Variants in XPO5 observed in about 807,000 individuals in gnomAD.
XPO5 encodes exportin-5.
In XPO5, 46 loss-of-function variants were observed where a neutral mutation model predicts 160.6. That is an observed-to-expected ratio of 0.29 (90% CI 0.23 to 0.37). XPO5 has a LOEUF of 0.37. Among genes scored for constraint, XPO5 ranks in the 10% least tolerant of loss-of-function variants. The probability of loss-of-function intolerance (pLI) is 1.00; values close to 1 mark genes in which losing one functional copy is unlikely to be tolerated. For synonymous variants in XPO5, 537 were observed against 519.3 expected, an observed-to-expected ratio of 1.03 and a Z score of -0.46; for missense variants, 1,090 against 1,463.9, an observed-to-expected ratio of 0.74 and a Z score of 4.17.
chr6:43,524,630 G>A lies in XPO5; in HGVS notation c.3318C>T (p.Pro1106=), dbSNP rs377272106. 5 of 1,613,698 alleles carry A rather than the reference G, an allele frequency of 3.1e-6. No homozygotes were observed. Among genetic ancestry groups the A allele is most frequent in the African/African-American group, 1.3e-5 (1 of 74,902 alleles). Residue 1106 remains proline, a synonymous_variant, in exon 31 of 32, where the codon CCC becomes CCT. Transcript: ENST00000265351. ...TTACAGCTCTTATCTCCAGGTACCTGGGGCGCTGATATCAGCAGGGATAAA... is the reference window on the plus strand; with the variant it reads ...TTACAGCTCTTATCTCCAGGTACCTAGGGCGCTGATATCAGCAGGGATAAA... The part of the protein sequence containing the change: ...LAFQIYEALR[P]RYLEIRAVME...
chr6:43,570,992 T>C lies in XPO5; in HGVS notation c.303A>G (p.Gly101=). The part of the protein sequence containing the change: ...KNSVMELIAN[G]TLNILEEENH... ...TCTCCTCTTCCAAAATGTTCAATGT[T>C]CCCTGAAAAAGAACAAGAGATATTA... Residue 101 remains glycine (G), a splice_region_variant and synonymous_variant, in exon 4 of 32, where the codon GGA becomes GGG. Transcript: ENST00000265351. 1 of 1,607,752 alleles carries C rather than the reference T, an allele frequency of 6.2e-7. No individual in the cohort carries two copies. Among genetic ancestry groups the C allele is most frequent in the South Asian group, 1.1e-5 (1 of 89,590 alleles).
Position 43,531,995 on chromosome 6 carries a change from T to C in XPO5, c.2444-420A>G, listed in dbSNP as rs147566598. On this transcript the variant is annotated intron_variant, in intron 21 of 31. Coordinates refer to ENST00000265351, the MANE Select transcript of XPO5 (RefSeq NM_020750.3). ...TAGTATTAAAAACTGCCTTAAAATATCTATATTTTTAAGTGTAATCAGAGG... is the reference window on the plus strand; with the variant it reads ...TAGTATTAAAAACTGCCTTAAAATACCTATATTTTTAAGTGTAATCAGAGG... Among the ~76,000 whole-genome samples, 744 of 152,250 alleles carry C rather than the reference T, an allele frequency of 4.9e-3. 5 individuals carry two copies. Among genetic ancestry groups the C allele is most frequent in the African/African-American group, 0.016 (678 of 41,538 alleles).
At chr6:43,548,494 T>C in intron 17 of XPO5, 34 bp from the exon 18 acceptor site, 1 of 1,473,884 alleles carries the variant, frequency 6.8e-7, no homozygotes, top group Non-Finnish European at 9.1e-7. Context: ...CCAGAGGTGG[T>C]AAAGGTCTGA....
At chr6:43,541,402 C>T (rs753818276) in intron 20 of XPO5, among the ~76,000 whole-genome samples, 3 of 152,050 alleles carry the variant, frequency 2.0e-5, no homozygotes, top group Non-Finnish European at 4.4e-5. Context: ...GTACTGTGTA[C>T]CCACAAAACT....
In XPO5 at chr6:43,549,510, A is replaced by C; in HGVS notation, c.1839T>G (p.Arg613=). 1.2e-6 allele frequency: 2 copies of C among 1,612,898 alleles called. No individual in the cohort carries two copies. The highest frequency in any genetic ancestry group is 1.8e-4 in the Middle Eastern group (1 of 5,640). The change falls in exon 17 of 32, where the codon CGT becomes CGG. Residue 613 remains arginine (R), a synonymous_variant. Transcript: ENST00000265351. ...HACSSIIKMC[R]DYPQLVLPNF... is the part of the protein sequence containing the mutation. Reference sequence around the variant, plus strand: ...TTACCAGCACAAGCTGGGGGTAGTCACGACACATCTTGATGATGGAGGAAC... The same window carrying C: ...TTACCAGCACAAGCTGGGGGTAGTCCCGACACATCTTGATGATGGAGGAAC...
intron 10 of XPO5, 63 bp from the exon 11 acceptor site, chr6:43,560,366 T>G: frequency 6.7e-7 from 1 of 1,496,786 alleles, no homozygotes; most frequent in South Asian, 1.3e-5. Flanking sequence ...AGATTATTAC[T>G]TAGCAGTTAT....
intron 17 of XPO5, among the ~76,000 whole-genome samples, chr6:43,548,720 A>C (rs1187183106): frequency 6.7e-6 from 1 of 150,044 alleles, no homozygotes; most frequent in Non-Finnish European, 1.5e-5. Flanking sequence ...AGCTTGTTTT[A>C]TATATATATA....
At chr6:43,547,365 G>A (rs1795012149) in intron 19 of XPO5, 2 of 579,736 alleles carry the variant, frequency 3.4e-6, no homozygotes, top group Admixed American at 2.6e-5. Context: ...TCAGTCTTCA[G>A]AGCTATTTAG....
At position 43,529,141 on chromosome 6, in the gene XPO5, C is replaced by T. The variant is rs1373766382; in HGVS notation, c.2678-216G>A. 1.3e-5 allele frequency: 17 copies of T among 1,277,062 alleles called. No individual in the cohort carries two copies. In the Admixed American group the frequency reaches 1.7e-4, roughly 13 times the overall value. The allele number at this position is 1,277,062 out of a possible 1,614,324, so 79.1% of individuals were successfully genotyped here. On this transcript the variant is annotated intron_variant, in intron 23 of 31. Coordinates refer to ENST00000265351, the MANE Select transcript of XPO5 (RefSeq NM_020750.3). Reference sequence around the variant, plus strand: ...TATACTCTTAGTTTAGCTGCATTTCCGTCAGGCTGCACATTATGGTCACTG... The same window carrying T: ...TATACTCTTAGTTTAGCTGCATTTCTGTCAGGCTGCACATTATGGTCACTG...
intron 20 of XPO5, among the ~76,000 whole-genome samples, chr6:43,538,297 G>A (rs1019954272): frequency 3.3e-5 from 5 of 151,372 alleles, no homozygotes; most frequent in South Asian, 4.2e-4. Flanking sequence ...CTACAGGTGC[G>A]CACCACCACA....
intron 8 of XPO5, 37 bp downstream of exon 8, chr6:43,565,623 G>A (rs1273252587): frequency 6.8e-7 from 1 of 1,460,150 alleles, no homozygotes; most frequent in South Asian, 1.3e-5. Context: ...AAATGACAAA[G>A]AAATTAGAAA....
At chr6:43,549,988 A>C (rs1795151864) in intron 15 of XPO5, 54 bp from the exon 16 acceptor site, 1 of 1,574,064 alleles carries the variant, frequency 6.4e-7, no homozygotes, top group Non-Finnish European at 8.7e-7. Flanking sequence ...TAGAGATGAG[A>C]TCTTGCTATG....
In XPO5 at chr6:43,548,475, G is replaced by GA. The variant is rs1561875911; in HGVS notation, c.1861-16dup. The stretch of plus-strand genomic sequence containing the variant: ...TCAAAATTGGGCTACAGATCAAAAA[G>GA]AAAAAAAGCCAGAGGTGGTAAAGGT... On this transcript the variant is annotated splice_polypyrimidine_tract_variant and intron_variant, in intron 17 of 31. Coordinates refer to ENST00000265351, the MANE Select transcript of XPO5 (RefSeq NM_020750.3). 9 of 1,509,888 alleles carry GA rather than the reference G, an allele frequency of 6.0e-6. No individual in the cohort carries two copies. In the Admixed American group the frequency reaches 8.2e-5, roughly 14 times the overall value. The allele number at this position is 1,509,888 out of a possible 1,614,324, so 93.5% of individuals were successfully genotyped here. A position where few individuals can be genotyped will look rare whatever the true frequency, so the allele number is the denominator to read the frequency against.
Position 43,575,893 on chromosome 6 carries a change from C to CCACT in XPO5, c.-33_-30dup, listed in dbSNP as rs1561891144. The stretch of plus-strand genomic sequence containing the variant: ...TAGCGCCACGCGCCGAGAGCGCACA[C>CCACT]CACTGCAGTCCCGGGACCACGAGGC... On this transcript the variant is annotated 5_prime_UTR_variant, in exon 1 of 32. Coordinates refer to ENST00000265351, the MANE Select transcript of XPO5 (RefSeq NM_020750.3). The CCACT allele has an allele frequency of 1.2e-6, 2 of 1,605,742 alleles. No homozygotes were observed.
chr6:43,560,402 A>G, intron 10 of XPO5, 99 bp from the exon 11 acceptor site: 3 of 1,392,962 alleles, frequency 2.2e-6, no homozygotes. Context: ...ATAGAAATAA[A>G]TCTGTACAAT....
chr6:43,565,050 G>A (rs565088559), intron 8 of XPO5, among the ~76,000 whole-genome samples: 16 of 151,906 alleles, frequency 1.1e-4, no homozygotes, highest in African/African-American at 3.9e-4. Context: ...AGCCTCCTGA[G>A]TAGCTGGGAT....
At chr6:43,554,719 GGCCTAAGATTTACCAATT>G (rs1355270423) in intron 13 of XPO5, among the ~76,000 whole-genome samples, 1 of 152,034 alleles carries the variant, frequency 6.6e-6, no homozygotes, top group Non-Finnish European at 1.5e-5. Context: ...CACCCTGCCT[GGCCTAAGATTTACCAATT>G]GCTTTTCTTG....
intron 15 of XPO5, 55 bp from the exon 16 acceptor site, chr6:43,549,989 T>A: frequency 6.4e-7 from 1 of 1,569,084 alleles, no homozygotes; most frequent in Non-Finnish European, 8.7e-7. Context: ...AGAGATGAGA[T>A]CTTGCTATGT....
rs752073357 is a variant in XPO5, at chr6:43,522,715, T to C, written c.*1153A>G. On this transcript the variant is annotated 3_prime_UTR_variant, in exon 32 of 32. Coordinates refer to ENST00000265351, the MANE Select transcript of XPO5 (RefSeq NM_020750.3). ...CACTTCGGCTCTCGGGGAAACCCTC[T>C]TGTCAGTGGACTGGATGGACAACAG... The C allele has an allele frequency of 8.0e-6, 4 of 502,270 alleles. No individual in the cohort carries two copies. The highest frequency in any genetic ancestry group is 1.7e-5 in the Non-Finnish European group (4 of 241,248). 31.1% of individuals were successfully genotyped at this position (502,270 alleles called of 1,614,324 possible). A position where few individuals can be genotyped will look rare whatever the true frequency, so the allele number is the denominator to read the frequency against.
Sources: allele counts gnomAD v4.1 joint callset (sites outside exome capture counted in the v4.1 genomes callset), GRCh38; gene constraint gnomAD v4.1.1; transcripts MANE v1.5; gene names NCBI Gene and HGNC (gene_info 2026-07-23, HGNC 2026-07-21).